The following MAK variants were observed in gnomAD, a reference collection of about 807,000 sequenced individuals.
The protein encoded by MAK is male germ cell associated kinase, also known as serine/threonine-protein kinase MAK.
Under a neutral mutation model 82.6 loss-of-function variants are expected in MAK, and 65 were observed. That is an observed-to-expected ratio of 0.79 (90% CI 0.64 to 0.97). The LOEUF (loss-of-function observed/expected upper bound fraction) is 0.97, where lower values mean the gene tolerates loss of function less well. Among genes scored for constraint, MAK ranks in the 50% least tolerant of loss-of-function variants. The pLI, the probability that MAK is intolerant of heterozygous loss-of-function variation, is 0.00. For missense variants in MAK, 703 were observed against 780.2 expected, an observed-to-expected ratio of 0.90 and a Z score of 1.18; for synonymous variants, 250 against 274.2, an observed-to-expected ratio of 0.91 and a Z score of 0.87.
intron 8 of MAK, among the ~76,000 whole-genome samples, chr6:10,798,725 T>G (rs763926539): frequency 6.6e-6 from 1 of 152,000 alleles, no homozygotes; most frequent in Non-Finnish European, 1.5e-5. Flanking sequence ...TTTAAAAATT[T>G]TATTTTACAA....
chr6:10,816,844 A>G (rs796548078), intron 4 of MAK, among the ~76,000 whole-genome samples: 11 of 152,312 alleles, frequency 7.2e-5, no homozygotes, highest in African/African-American at 2.4e-4. Context: ...AAGACTAAGT[A>G]TCCACATAAA....
chr6:10,796,001 T>TGGCA lies in MAK; in HGVS notation c.1136_1139dup (p.Thr381AlafsTer3). On this transcript the variant is annotated frameshift_variant, in exon 9 of 15. Transcript: ENST00000354489. LOFTEE classifies it high-confidence loss of function. ...AGTGTCATGACTGGCTACTCACAGT[T>TGGCA]GGCATGTTTTTGACGATGCTCGGGA... The TGGCA allele has an allele frequency of 6.2e-6, 10 of 1,613,802 alleles. No individual in the cohort carries two copies. Among genetic ancestry groups the TGGCA allele is most frequent in the Non-Finnish European group, 7.6e-6 (9 of 1,179,660 alleles).
At chr6:10,782,649 G>C (rs528491316) in intron 11 of MAK, among the ~76,000 whole-genome samples, 1 of 149,002 alleles carries the variant, frequency 6.7e-6, no homozygotes, top group Non-Finnish European at 1.5e-5. Flanking sequence ...TGCCATCTCG[G>C]CTCACTGCAA....
intron 13 of MAK, among the ~76,000 whole-genome samples, chr6:10,772,793 C>T (rs995339682): frequency 3.3e-5 from 5 of 151,890 alleles, no homozygotes; most frequent in African/African-American, 4.8e-5. Flanking sequence ...TATAAATTTC[C>T]GTAATTAATT....
At chr6:10,817,508 G>C (rs531246017) in intron 4 of MAK, among the ~76,000 whole-genome samples, 1 of 152,236 alleles carries the variant, frequency 6.6e-6, no homozygotes, top group Non-Finnish European at 1.5e-5. Flanking sequence ...AGATGCTTGG[G>C]AGAGCAACCA....
chr6:10,784,906 A>G (rs781289278), intron 10 of MAK: 1 of 498,412 alleles, frequency 2.0e-6, no homozygotes, highest in South Asian at 1.5e-5. Flanking sequence ...GGGAAATAAC[A>G]GCCATCTTCA....
intron 6 of MAK, among the ~76,000 whole-genome samples, chr6:10,805,241 A>G (rs952705332): frequency 1.3e-5 from 2 of 152,226 alleles, no homozygotes; most frequent in Non-Finnish European, 2.9e-5. Context: ...TCTCAAATGT[A>G]TGTATAGCTT....
Position 10,784,438 on chromosome 6 carries a change from G to T in MAK, c.1451C>A (p.Ser484Ter). The change falls in exon 11 of 15, where the codon TCA (serine) becomes TAA (stop). Residue 484 changes from serine to a stop codon, truncating the protein, a stop_gained. Transcript: ENST00000354489. LOFTEE classifies it high-confidence loss of function. ...GCTCTACTTACCTGGAAGATATCTT[G>T]ATTGTTTCAAGTAGTACTGTTTAGA... Reference protein sequence around the residue: ...PTSKQYYLKQSRYLPGVNPKK... With the variant: ...PTSKQYYLKQ 1 of 1,614,146 alleles carries T rather than the reference G, an allele frequency of 6.2e-7. No homozygotes were observed. Among genetic ancestry groups the T allele is most frequent in the Non-Finnish European group, 8.5e-7 (1 of 1,180,012 alleles).
intron 11 of MAK, among the ~76,000 whole-genome samples, chr6:10,777,064 A>G (rs1016933857): frequency 9.3e-5 from 14 of 151,310 alleles, no homozygotes; most frequent in African/African-American, 2.7e-4. Flanking sequence ...AAAAAAAAAA[A>G]GGCAACTACC....
At position 10,830,715 on chromosome 6, in the gene MAK, G is replaced by A. The variant is rs984863840; in HGVS notation, c.-67C>T. 9.5e-6 allele frequency: 12 copies of A among 1,261,140 alleles called. No individual in the cohort carries two copies. Among genetic ancestry groups the A allele is most frequent in the East Asian group, 2.3e-5 (1 of 43,100 alleles). 78.1% of individuals were successfully genotyped at this position (1,261,140 alleles called of 1,614,324 possible). On this transcript the variant is annotated 5_prime_UTR_variant, in exon 2 of 15. Coordinates refer to ENST00000354489, the MANE Select transcript of MAK (RefSeq NM_001242957.3). ...TTCCTTGTTGAATATAAATTTGAAC[G>A]CTTCTTAATTTTTATTTGCTTTTGT...
At chr6:10,809,997 C>T (rs1361199413) in intron 5 of MAK, among the ~76,000 whole-genome samples, 1 of 149,648 alleles carries the variant, frequency 6.7e-6, no homozygotes, top group East Asian at 2.0e-4. Context: ...ACTCAGGAGG[C>T]TGAGGCAGAA....
rs1020810898 is a variant in MAK, at chr6:10,763,568, G to T, written c.*884C>A. The stretch of plus-strand genomic sequence containing the variant: ...TTCTAAAAAAAAAAAAAAAAAGCTG[G>T]GCACTGTGGCTCACACCTGTAAGCC... On this transcript the variant is annotated 3_prime_UTR_variant, in exon 15 of 15. Coordinates refer to ENST00000354489, the MANE Select transcript of MAK (RefSeq NM_001242957.3). 3 of 151,638 alleles carry T rather than the reference G, an allele frequency of 2.0e-5. No homozygotes were observed. In the East Asian group the frequency reaches 5.8e-4, roughly 29 times the overall value. The allele number at this position is 151,638 out of a possible 1,614,324, so 9.4% of individuals were successfully genotyped here. A position where few individuals can be genotyped will look rare whatever the true frequency, so the allele number is the denominator to read the frequency against.
intron 2 of MAK, among the ~76,000 whole-genome samples, chr6:10,821,159 T>C (rs1246276837): frequency 6.6e-6 from 1 of 152,056 alleles, no homozygotes; most frequent in Non-Finnish European, 1.5e-5. Context: ...ATGTTGCTCA[T>C]GCTAGTCTCA....
At chr6:10,786,835 A>C (rs1774594830) in intron 10 of MAK, among the ~76,000 whole-genome samples, 2 of 133,146 alleles carry the variant, frequency 1.5e-5, no homozygotes, top group African/African-American at 3.1e-5. Context: ...CACTCCGCTA[A>C]TTCACCAGTT....
Position 10,770,112 on chromosome 6 carries a change from T to G in MAK, c.1791A>C (p.Ser597=). The part of the protein sequence containing the change: ...IHLAPLNATA[S]EYTWNTKTGR... The stretch of plus-strand genomic sequence containing the variant: ...AACTGTATCTGAAGTTGTTCCTACC[T>G]GAAGCCGTTGCATTGAGAGGTGCTA... The change falls in exon 14 of 15, where the codon TCA becomes TCC. Residue 597 remains serine, a splice_region_variant and synonymous_variant. Transcript: ENST00000354489. 1 of 1,614,206 alleles carries G rather than the reference T, an allele frequency of 6.2e-7. No homozygotes were observed. The highest frequency in any genetic ancestry group is 8.5e-7 in the Non-Finnish European group (1 of 1,180,012).
intron 2 of MAK, among the ~76,000 whole-genome samples, chr6:10,819,749 G>A (rs1168990150): frequency 6.6e-6 from 1 of 152,040 alleles, no homozygotes; most frequent in South Asian, 2.1e-4. Context: ...CCAGTTAGTT[G>A]TTGTTTTTAT....
At chr6:10,768,869 A>G (rs1253589325) in intron 14 of MAK, among the ~76,000 whole-genome samples, 3 of 152,136 alleles carry the variant, frequency 2.0e-5, no homozygotes, top group African/African-American at 7.2e-5. Flanking sequence ...TTAATATAAG[A>G]TAGTGGTTAG....
At position 10,833,606 on chromosome 6, in the gene MAK, AAATAATAAT is replaced by A. The variant is rs36209814; in HGVS notation, c.-229-2738_-229-2730del. 4.3e-3 allele frequency among the ~76,000 whole-genome samples: 629 copies of A among 147,680 alleles called. 2 individuals carry two copies. The highest frequency in any genetic ancestry group is 0.014 in the African/African-American group (569 of 40,184). ...GGCAACAGTGCGAGACTCTGTCTCA[AAATAATAAT>A]AATAATAATAATAATAATAATAATA... On this transcript the variant is annotated intron_variant, in intron 1 of 14. Coordinates refer to ENST00000354489, the MANE Select transcript of MAK (RefSeq NM_001242957.3).
At chr6:10,789,609 A>G (rs796839147) in intron 10 of MAK, among the ~76,000 whole-genome samples, 23 of 152,286 alleles carry the variant, frequency 1.5e-4, no homozygotes, top group African/African-American at 5.5e-4. Context: ...CTAAAATAGA[A>G]CAATTAAAAC....
Sources: allele counts gnomAD v4.1 joint callset (sites outside exome capture counted in the v4.1 genomes callset), GRCh38; gene constraint gnomAD v4.1.1; transcripts MANE v1.5; gene names NCBI Gene and HGNC (gene_info 2026-07-23, HGNC 2026-07-21).